Variants in PTBP2 observed in about 807,000 individuals in gnomAD.
PTBP2 encodes polypyrimidine tract-binding protein 2.
In PTBP2, 13 loss-of-function variants were observed where a neutral mutation model predicts 61.4. The observed-to-expected ratio is 0.21, with a 90% CI of 0.14 to 0.34. PTBP2 has a LOEUF of 0.34. PTBP2 is among the 10% of genes least tolerant of loss of function. The probability of loss-of-function intolerance (pLI) is 1.00; values close to 1 mark genes in which losing one functional copy is unlikely to be tolerated. For missense variants in PTBP2, 405 were observed against 642.6 expected (o/e 0.63, Z 4.00); for synonymous variants, 215 against 218.5 (o/e 0.98, Z 0.14).
intron 8 of PTBP2, among the ~76,000 whole-genome samples, chr1:96,794,549 T>C (rs1660174575): frequency 6.6e-6 from 1 of 152,212 alleles, no homozygotes; most frequent in South Asian, 2.1e-4. Flanking sequence ...CCTAGAAGGA[T>C]GTTGGCTCAT....
intron 8 of PTBP2, among the ~76,000 whole-genome samples, chr1:96,791,389 T>C (rs906091965): frequency 1.3e-5 from 2 of 152,194 alleles, no homozygotes; most frequent in African/African-American, 4.8e-5. Context: ...TAGATATAAT[T>C]TAATAAATTT....
At chr1:96,813,195 C>T (rs773452201) in intron 13 of PTBP2, 81 bp from the exon 14 acceptor site, 30 of 1,542,322 alleles carry the variant, frequency 1.9e-5, no homozygotes, top group African/African-American at 1.3e-4. Flanking sequence ...TTTTTGATTC[C>T]GGAATGGCCA....
chr1:96,749,462 T>A (rs886731905), intron 2 of PTBP2, among the ~76,000 whole-genome samples: 1 of 152,180 alleles, frequency 6.6e-6, no homozygotes, highest in African/African-American at 2.4e-5. Context: ...TTTACTTGAT[T>A]AGGAATTTTG....
chr1:96,754,200 GA>G (rs79153675), intron 3 of PTBP2, among the ~76,000 whole-genome samples: 16 of 152,048 alleles, frequency 1.1e-4, no homozygotes, highest in African/African-American at 3.1e-4. Context: ...ATTAAAGGGG[GA>G]AAAAAAGCGA....
Position 96,721,809 on chromosome 1 carries a change from T to C in PTBP2, c.-56T>C. The C allele has an allele frequency of 6.4e-7, 1 of 1,551,640 alleles. No individual in the cohort carries two copies. The highest frequency in any genetic ancestry group is 8.7e-7 in the Non-Finnish European group (1 of 1,146,836). ...AGCCGCCATTTTCTCGCCGCTTGTG[T>C]GGCTCGCTGGCTGCGTGGCTCGGTT... is the stretch of plus-strand genomic sequence containing the variant. On this transcript the variant is annotated 5_prime_UTR_variant, in exon 1 of 14. Transcript: ENST00000674951.
intron 5 of PTBP2, among the ~76,000 whole-genome samples, chr1:96,776,105 A>T (rs899673605): frequency 1.3e-5 from 2 of 151,978 alleles, no homozygotes; most frequent in Admixed American, 1.3e-4. Flanking sequence ...TTATACCATG[A>T]TCATGGATTC....
rs1662282393 is a variant in PTBP2 at position 96,813,644 on chromosome 1, A to G, written c.*239A>G. On this transcript the variant is annotated 3_prime_UTR_variant, in exon 14 of 14. Coordinates refer to ENST00000674951, the MANE Select transcript of PTBP2 (RefSeq NM_021190.4). ...AGGGAAGCCATTTTGTCTGTTTAAA[A>G]TTTCAGTTTAATTTTGCTTTTTTTT... 3.6e-6 allele frequency: 1 copy of G among 281,250 alleles called. No individual in the cohort carries two copies. 17.4% of individuals were successfully genotyped at this position (281,250 alleles called of 1,614,324 possible).
chr1:96,722,777 C>T (rs1446646492), intron 1 of PTBP2, among the ~76,000 whole-genome samples: 5 of 152,252 alleles, frequency 3.3e-5, no homozygotes, highest in African/African-American at 9.6e-5. Flanking sequence ...GAACCTGAGT[C>T]AAGACGGAAT....
intron 3 of PTBP2, among the ~76,000 whole-genome samples, 156 bp from the exon 4 acceptor site, chr1:96,769,547 T>A (rs1361197648): frequency 2.7e-5 from 4 of 149,698 alleles, no homozygotes; most frequent in Non-Finnish European, 5.9e-5. Flanking sequence ...TTTATTCCTT[T>A]GAAAGCCTGG....
At chr1:96,739,618 G>GGTTTTTTTTTTTTT (rs1232683663) in intron 2 of PTBP2, among the ~76,000 whole-genome samples, 1 of 83,802 alleles carries the variant, frequency 1.2e-5, no homozygotes, top group East Asian at 3.4e-4. Flanking sequence ...ACTGGTGTGT[G>GGTTTTTTTTTTTTT]TTTTTTTTTT....
chr1:96,787,333 T>C (rs1659318244), intron 8 of PTBP2, among the ~76,000 whole-genome samples: 1 of 152,210 alleles, frequency 6.6e-6, no homozygotes, highest in African/African-American at 2.4e-5. Context: ...CTTTTGTTCA[T>C]TTTTTGAGCG....
At chr1:96,727,047 T>A (rs1393218373) in intron 2 of PTBP2, among the ~76,000 whole-genome samples, 1 of 152,084 alleles carries the variant, frequency 6.6e-6, no homozygotes, top group Non-Finnish European at 1.5e-5. Flanking sequence ...CTTGCGCCTT[T>A]ATAGTCCCTC....
chr1:96,818,477 A>G (rs998886976), downstream of PTBP2: 1 of 152,048 alleles, frequency 6.6e-6, no homozygotes, highest in Non-Finnish European at 1.5e-5. Flanking sequence ...TCTAATATCT[A>G]GACTAGCCTA....
chr1:96,735,021 G>T (rs112750330), intron 2 of PTBP2, among the ~76,000 whole-genome samples: 1 of 150,004 alleles, frequency 6.7e-6, no homozygotes, highest in Non-Finnish European at 1.5e-5. Flanking sequence ...GGATTCAAGC[G>T]ATTCTCCTGC....
chr1:96,727,830 T>C (rs1192422037), intron 2 of PTBP2, among the ~76,000 whole-genome samples: 2 of 152,194 alleles, frequency 1.3e-5, no homozygotes, highest in East Asian at 3.8e-4. Context: ...ACTCATCTTC[T>C]TATTCTCGCA....
At chr1:96,790,689 C>A (rs1427182093) in intron 8 of PTBP2, among the ~76,000 whole-genome samples, 3 of 151,972 alleles carry the variant, frequency 2.0e-5, no homozygotes, top group African/African-American at 7.2e-5. Flanking sequence ...GTACTTAAAC[C>A]AGCTTATGAA....
At chr1:96,815,824 T>C (rs1382459037), downstream of PTBP2, 4 of 152,176 alleles carry the variant, frequency 2.6e-5, no homozygotes, top group African/African-American at 9.7e-5. Context: ...GGAAGCTAGG[T>C]GATCTGTGTT....
At chr1:96,765,708 TTAGA>T (rs34315705) in intron 3 of PTBP2, among the ~76,000 whole-genome samples, 7,750 of 147,332 alleles carry the variant, frequency 0.053, 235 homozygotes, top group African/African-American at 0.074. Context: ...AGACTCTGTC[TTAGA>T]TAGATAGATA....
chr1:96,735,650 T>A (rs1175791257), intron 2 of PTBP2, among the ~76,000 whole-genome samples: 1 of 152,084 alleles, frequency 6.6e-6, no homozygotes, highest in Non-Finnish European at 1.5e-5. Context: ...AAAAATAGCC[T>A]CAGACAGCAC....
Sources: allele counts gnomAD v4.1 joint callset (sites outside exome capture counted in the v4.1 genomes callset), GRCh38; gene constraint gnomAD v4.1.1; transcripts MANE v1.5; gene names NCBI Gene and HGNC (gene_info 2026-07-23, HGNC 2026-07-21).